Variants in ITPR2 observed in about 807,000 individuals in gnomAD.
ITPR2 encodes inositol 1,4,5-trisphosphate receptor type 2.
In ITPR2, 207 loss-of-function variants were observed where a neutral mutation model predicts 317.1. The observed-to-expected ratio is 0.65, with a 90% CI of 0.58 to 0.73. The LOEUF is 0.73. ITPR2 is among the 30% of genes least tolerant of loss of function. ITPR2 has a pLI of 0.00. For missense variants in ITPR2, 2,613 were observed against 3,284.0 expected (o/e 0.80, Z 4.99); for synonymous variants, 1,156 against 1,149.1 (o/e 1.01, Z -0.12).
At chr12:26,671,968 G>A (rs1296807978) in intron 13 of ITPR2, among the ~76,000 whole-genome samples, 2 of 151,866 alleles carry the variant, frequency 1.3e-5, no homozygotes. Context: ...ATTACATAAT[G>A]GTAAAGGGAT....
chr12:26,609,977 T>C (rs1946226389), intron 26 of ITPR2, among the ~76,000 whole-genome samples: 1 of 152,176 alleles, frequency 6.6e-6, no homozygotes, highest in African/African-American at 2.4e-5. Flanking sequence ...ATATGTATAA[T>C]GATATAAACA....
At chr12:26,551,905 C>T (rs1039295174) in intron 36 of ITPR2, among the ~76,000 whole-genome samples, 1 of 152,262 alleles carries the variant, frequency 6.6e-6, no homozygotes, top group Non-Finnish European at 1.5e-5. Context: ...CCTCAAGAGT[C>T]TGGAATGTTT....
At chr12:26,745,784 G>A (rs12830531) in intron 2 of ITPR2, among the ~76,000 whole-genome samples, 38 of 152,182 alleles carry the variant, frequency 2.5e-4, no homozygotes, top group Admixed American at 4.6e-4. Context: ...CACCAGAATG[G>A]TTTCTCACTC....
At chr12:26,694,260 A>G (rs951474726) in intron 10 of ITPR2, among the ~76,000 whole-genome samples, 1 of 152,204 alleles carries the variant, frequency 6.6e-6, no homozygotes, top group African/African-American at 2.4e-5. Context: ...CAGACAAAAT[A>G]TGAATATTGT....
At chr12:26,477,165 C>T (rs558198777) in intron 43 of ITPR2, among the ~76,000 whole-genome samples, 158 bp from the exon 44 acceptor site, 2 of 152,262 alleles carry the variant, frequency 1.3e-5, no homozygotes, top group South Asian at 4.1e-4. Flanking sequence ...TAAAATAGAA[C>T]ATCTTACTCC....
rs560310175 is a variant in ITPR2 at position 26,622,319 on chromosome 12, G to A, written c.3209C>T (p.Pro1070Leu). ...CTGCAGGGCTCCAGACAGCAAAGGC[G>A]GGTAGTCGTGCATGATCAGATGAAT... The part of the protein sequence containing the change: ...VLIHLIMHDY[P>L]PLLSGALQLL... Residue 1070 changes from proline to leucine, a missense_variant, in exon 25 of 57, where the codon CCG (proline) becomes CTG (leucine). By Grantham distance (98) the Pro-to-Leu change is moderately conservative (BLOSUM62 -3). This residue lies in a region of ITPR2 where 817 missense variants were observed against 897.6 expected (regional missense o/e 0.91). Transcript: ENST00000381340. The A allele has an allele frequency of 9.9e-6, 16 of 1,613,974 alleles. No homozygotes were observed. Among genetic ancestry groups the A allele is most frequent in the Non-Finnish European group, 1.4e-5 (16 of 1,179,932 alleles).
Position 26,537,828 on chromosome 12 carries a change from C to T in ITPR2, c.5073+12419G>A, listed in dbSNP as rs540422971. Among the ~76,000 whole-genome samples, 4 of 152,332 alleles carry T rather than the reference C, an allele frequency of 2.6e-5. No homozygotes were observed. In the South Asian group the frequency reaches 8.3e-4, roughly 32 times the overall value. On this transcript the variant is annotated intron_variant, in intron 37 of 56. Transcript: ENST00000381340. ...AGACCTAACAACTTCACCGAGCAAT[C>T]TGCAAATATTCATAATGTTCTGTGT...
intron 50 of ITPR2, among the ~76,000 whole-genome samples, chr12:26,418,177 G>A (rs1940781914): frequency 6.6e-6 from 1 of 152,164 alleles, no homozygotes; most frequent in South Asian, 2.1e-4. Context: ...CTAGATAATA[G>A]GGAGGCAGGA....
chr12:26,479,681 T>C (rs533079287), intron 43 of ITPR2, among the ~76,000 whole-genome samples: 3 of 152,354 alleles, frequency 2.0e-5, no homozygotes, highest in South Asian at 4.1e-4. Flanking sequence ...AGTACATCTA[T>C]GTAAGAATCG....
intron 2 of ITPR2, among the ~76,000 whole-genome samples, chr12:26,786,297 C>A (rs1950243563): frequency 8.9e-6 from 1 of 111,816 alleles, no homozygotes; most frequent in African/African-American, 3.4e-5. Context: ...TCTTAAGTAC[C>A]CAGGGACACA....
intron 26 of ITPR2, among the ~76,000 whole-genome samples, chr12:26,604,538 A>G (rs1946079236): frequency 6.6e-6 from 1 of 151,768 alleles, no homozygotes; most frequent in African/African-American, 2.4e-5. Flanking sequence ...CCCTTTAATG[A>G]CTCTTTCTCA....
chr12:26,708,437 T>C (rs766916916), intron 9 of ITPR2, among the ~76,000 whole-genome samples: 3 of 152,204 alleles, frequency 2.0e-5, no homozygotes, highest in Non-Finnish European at 2.9e-5. Context: ...CGAGATCCTG[T>C]CATTTGCAAC....
intron 55 of ITPR2, among the ~76,000 whole-genome samples, chr12:26,374,926 G>A (rs974110049): frequency 2.0e-5 from 3 of 152,236 alleles, no homozygotes; most frequent in East Asian, 1.9e-4. Context: ...ATGGACATGC[G>A]GTTGCCTGAT....
At chr12:26,566,161 A>T in intron 34 of ITPR2, among the ~76,000 whole-genome samples, 1 of 96,080 alleles carries the variant, frequency 1.0e-5, no homozygotes, top group Non-Finnish European at 2.1e-5. Context: ...GAAGGAGAGG[A>T]AAGAGGAGAG....
chr12:26,580,224 A>C (rs1250030271), intron 32 of ITPR2, 69 bp from the exon 33 acceptor site: 1 of 1,426,170 alleles, frequency 7.0e-7, no homozygotes, highest in African/African-American at 1.4e-5. Flanking sequence ...TATTGGAACC[A>C]CCTAAAAATT....
At chr12:26,649,869 T>C (rs896732375) in intron 21 of ITPR2, among the ~76,000 whole-genome samples, 32 of 152,238 alleles carry the variant, frequency 2.1e-4, no homozygotes, top group African/African-American at 6.5e-4. Context: ...CTATTATAGA[T>C]AGATAGACAG....
At chr12:26,774,078 G>A (rs180963938) in intron 2 of ITPR2, among the ~76,000 whole-genome samples, 6 of 143,156 alleles carry the variant, frequency 4.2e-5, no homozygotes, top group East Asian at 4.2e-4. Context: ...GAGTAGCAGC[G>A]AATTACAAAC....
chr12:26,783,219 T>C (rs1027710626), intron 2 of ITPR2, among the ~76,000 whole-genome samples: 1 of 152,230 alleles, frequency 6.6e-6, no homozygotes, highest in Non-Finnish European at 1.5e-5. Context: ...TCTGACTTAT[T>C]ACTTCAAAAC....
At chr12:26,364,656 A>G (rs765824920) in intron 55 of ITPR2, among the ~76,000 whole-genome samples, 1 of 152,216 alleles carries the variant, frequency 6.6e-6, no homozygotes, top group Non-Finnish European at 1.5e-5. Context: ...TCATTCAGCA[A>G]CCAACCTTCT....
Sources: gnomAD v4.1 joint callset for allele counts (sites outside exome capture counted in the v4.1 genomes callset) on GRCh38, gnomAD v4.1.1 for gene constraint, gnomAD v4.1.1 regional missense constraint, MANE v1.5 for transcripts, NCBI Gene and HGNC (gene_info 2026-07-23, HGNC 2026-07-21) for gene names.